Variants in AHCYL1 observed in about 807,000 individuals in gnomAD.
AHCYL1 encodes the protein adenosylhomocysteinase like 1, also known as S-adenosylhomocysteine hydrolase-like protein 1.
AHCYL1 carries 20 observed loss-of-function variants against 79.3 expected under a neutral mutation model. The ratio of observed to expected loss-of-function variants is 0.25; its 90% CI spans 0.18 to 0.37. The LOEUF is 0.37. AHCYL1 is among the 10% of genes least tolerant of loss of function. AHCYL1 has a pLI of 1.00. For missense variants in AHCYL1, 330 were observed against 673.6 expected, an observed-to-expected ratio of 0.49 and a Z score of 5.65; for synonymous variants, 223 against 242.2, an observed-to-expected ratio of 0.92 and a Z score of 0.74.
In AHCYL1 at chr1:110,014,796, A is replaced by T; in HGVS notation, c.614A>T (p.Glu205Val). Residue 205 changes from glutamate (E) to valine (V), a missense_variant, in exon 6 of 17, where the codon GAA (glutamate) becomes GTA (valine). This residue lies in a region of AHCYL1 where 25 missense variants were observed against 27.7 expected (regional missense o/e 0.90). Transcript: ENST00000369799. ...VAVFAWKGES[E>V]DDFWWCIDRC... ...GTGTTCGCTTGGAAGGGCGAGTCAGAAGATGACTTCTGGTGGTGTATTGAC... is the reference window on the plus strand; with the variant it reads ...GTGTTCGCTTGGAAGGGCGAGTCAGTAGATGACTTCTGGTGGTGTATTGAC... 1 of 1,614,224 alleles carries T rather than the reference A, an allele frequency of 6.2e-7. No individual in the cohort carries two copies. Among genetic ancestry groups the T allele is most frequent in the Non-Finnish European group, 8.5e-7 (1 of 1,180,030 alleles).
At chr1:110,008,168 C>G (rs1355617596) in intron 1 of AHCYL1, among the ~76,000 whole-genome samples, 2 of 151,868 alleles carry the variant, frequency 1.3e-5, no homozygotes, top group Non-Finnish European at 2.9e-5. Context: ...ACTACAGGCA[C>G]CCGCCACCAA....
intron 1 of AHCYL1, among the ~76,000 whole-genome samples, chr1:110,004,676 A>G (rs1294496801): frequency 1.3e-5 from 2 of 152,132 alleles, no homozygotes; most frequent in Non-Finnish European, 2.9e-5. Context: ...CTAGCTACTC[A>G]GGAGGTGGGA....
At chr1:110,019,409 AG>A in intron 14 of AHCYL1, 138 bp from the exon 15 acceptor site, 1 of 790,120 alleles carries the variant, frequency 1.3e-6, no homozygotes, top group Non-Finnish European at 2.1e-6. Flanking sequence ...GCTGCCCTTT[AG>A]TATAGGCAAA....
intron 1 of AHCYL1, chr1:110,000,933 A>G (rs908125588): frequency 1.1e-5 from 11 of 984,742 alleles, no homozygotes; most frequent in Non-Finnish European, 1.1e-5. Flanking sequence ...TGTTGAGGCA[A>G]AGCACTTAAA....
Position 109,991,321 on chromosome 1 carries a change from A to G in AHCYL1, c.120+6149A>G, listed in dbSNP as rs578057810. Reference sequence around the variant, plus strand: ...AGTACTTTTGAGAACCACAGGTACAAGACTCTCCAAGCATGCTCCTGCTTC... The same window carrying G: ...AGTACTTTTGAGAACCACAGGTACAGGACTCTCCAAGCATGCTCCTGCTTC... On this transcript the variant is annotated intron_variant, in intron 1 of 16. Coordinates refer to ENST00000369799, the MANE Select transcript of AHCYL1 (RefSeq NM_006621.7). Among the ~76,000 whole-genome samples the G allele has an allele frequency of 2.6e-5, 4 of 152,220 alleles. No homozygotes were observed. In the South Asian group the frequency reaches 8.3e-4, roughly 31 times the overall value.
At chr1:110,002,987 C>G (rs1316309513) in intron 1 of AHCYL1, among the ~76,000 whole-genome samples, 2 of 152,144 alleles carry the variant, frequency 1.3e-5, no homozygotes, top group African/African-American at 4.8e-5. Context: ...GTCAGTATCA[C>G]AAGGGGGTGG....
chr1:110,017,676 A>G, intron 10 of AHCYL1, 93 bp downstream of exon 10: 3 of 1,358,594 alleles, frequency 2.2e-6, no homozygotes, highest in Non-Finnish European at 3.1e-6. Flanking sequence ...TTTTGCAGAA[A>G]TCACCTAGGG....
chr1:110,000,877 A>G, intron 1 of AHCYL1: 2 of 819,304 alleles, frequency 2.4e-6, no homozygotes, highest in Non-Finnish European at 2.9e-6. Flanking sequence ...AAAGGATTCT[A>G]GAATGTTTTG....
chr1:109,997,560 A>T (rs1437771340), intron 1 of AHCYL1, among the ~76,000 whole-genome samples: 2 of 152,214 alleles, frequency 1.3e-5, no homozygotes, highest in Non-Finnish European at 2.9e-5. Context: ...AAAAAGCGGG[A>T]CGGCAGATAA....
At chr1:109,993,350 A>G (rs940916450) in intron 1 of AHCYL1, among the ~76,000 whole-genome samples, 3 of 152,218 alleles carry the variant, frequency 2.0e-5, no homozygotes, top group Non-Finnish European at 4.4e-5. Flanking sequence ...CTGATATTTG[A>G]ATTTTACTCA....
At chr1:110,016,487 C>A in intron 8 of AHCYL1, 27 bp downstream of exon 8, 1 of 1,592,912 alleles carries the variant, frequency 6.3e-7, no homozygotes, top group Non-Finnish European at 8.6e-7. Context: ...TATATTCAAA[C>A]TTCTAGGGGC....
rs1370195779 is a variant in AHCYL1, at chr1:109,984,765, G to T, written c.-288G>T. 1.5e-5 allele frequency: 4 copies of T among 274,626 alleles called. No individual in the cohort carries two copies. The highest frequency in any genetic ancestry group is 2.7e-5 in the Non-Finnish European group (4 of 150,604). The allele number at this position is 274,626 out of a possible 1,614,324, so 17.0% of individuals were successfully genotyped here. ...CGTGGCGTCACCGCCCTCTACCCTC[G>T]CTTTGCGTGCGTGTTTGCGTACAGC... On this transcript the variant is annotated 5_prime_UTR_variant, in exon 1 of 17. Transcript: ENST00000369799.
chr1:110,004,253 C>T, intron 1 of AHCYL1: 2 of 985,474 alleles, frequency 2.0e-6, no homozygotes, highest in Non-Finnish European at 2.4e-6. Context: ...CCCTCCCTCT[C>T]CCCCAAGAAA....
chr1:110,005,550 G>A (rs1359528965), intron 1 of AHCYL1, among the ~76,000 whole-genome samples: 1 of 152,154 alleles, frequency 6.6e-6, no homozygotes, highest in African/African-American at 2.4e-5. Flanking sequence ...CAAATGTGAT[G>A]ACTAAAGAAT....
At position 109,984,959 on chromosome 1, in the gene AHCYL1, C is replaced by T; in HGVS notation, c.-94C>T. The T allele has an allele frequency of 3.7e-6, 5 of 1,355,194 alleles. No homozygotes were observed. In the South Asian group the frequency reaches 7.3e-5, roughly 20 times the overall value. 83.9% of individuals were successfully genotyped at this position (1,355,194 alleles called of 1,614,324 possible). Reference sequence around the variant, plus strand: ...GGGCCGGCAGGAGGGTGGGCGATCGCGTGTCGGAGGGCGCCGCGCGGGCAG... The same window carrying T: ...GGGCCGGCAGGAGGGTGGGCGATCGTGTGTCGGAGGGCGCCGCGCGGGCAG... On this transcript the variant is annotated 5_prime_UTR_variant, in exon 1 of 17. Coordinates refer to ENST00000369799, the MANE Select transcript of AHCYL1 (RefSeq NM_006621.7).
intron 14 of AHCYL1, 121 bp downstream of exon 14, chr1:110,019,240 T>C: frequency 9.5e-7 from 1 of 1,057,426 alleles, no homozygotes; most frequent in South Asian, 1.4e-5. Flanking sequence ...ATGTAATAAA[T>C]TGTGGAAACA....
At chr1:109,995,628 C>T (rs1196289020) in intron 1 of AHCYL1, 2 of 983,320 alleles carry the variant, frequency 2.0e-6, no homozygotes, top group East Asian at 1.1e-4. Context: ...ACTCAGTGTA[C>T]TTGTGTTTCC....
chr1:110,004,369 A>G, intron 1 of AHCYL1: 1 of 985,472 alleles, frequency 1.0e-6, no homozygotes, highest in South Asian at 4.7e-5. Context: ...GTTTCTGCAC[A>G]AGGGAATGGA....
intron 1 of AHCYL1, among the ~76,000 whole-genome samples, chr1:109,990,244 C>T (rs191762555): frequency 1.3e-5 from 2 of 152,280 alleles, no homozygotes; most frequent in African/African-American, 2.4e-5. Context: ...CAACAAGTGA[C>T]GTCCTTTTCT....
Sources: allele counts gnomAD v4.1 joint callset (sites outside exome capture counted in the v4.1 genomes callset), GRCh38; gene constraint gnomAD v4.1.1; regional missense constraint gnomAD v4.1.1; transcripts MANE v1.5; gene names NCBI Gene and HGNC (gene_info 2026-07-23, HGNC 2026-07-21).